Variants in ZNF516 observed in about 807,000 individuals in gnomAD.
ZNF516 encodes zinc finger protein 516.
Under a neutral mutation model 79.7 loss-of-function variants are expected in ZNF516, and 19 were observed. The ratio of observed to expected loss-of-function variants is 0.24; its 90% CI spans 0.17 to 0.35. The LOEUF is 0.35. Ranked by LOEUF, ZNF516 falls within the 10% of genes least tolerant of loss-of-function variation. The pLI is 1.00. For missense variants in ZNF516, 1,678 were observed against 1,679.5 expected (o/e 1.00, Z 0.02); for synonymous variants, 877 against 739.5 (o/e 1.19, Z -3.02).
intron 2 of ZNF516, among the ~76,000 whole-genome samples, chr18:76,462,367 A>T (rs1162478963): frequency 6.6e-6 from 1 of 152,244 alleles, no homozygotes. Context: ...TGTTCCCACA[A>T]GGGACCTACA....
At chr18:76,491,083 G>A (rs1416627407) in intron 1 of ZNF516, 2 of 985,126 alleles carry the variant, frequency 2.0e-6, no homozygotes, top group Non-Finnish European at 2.4e-6. Flanking sequence ...TTATGTAATC[G>A]TCCTCGGGGC....
intron 3 of ZNF516, among the ~76,000 whole-genome samples, chr18:76,440,742 T>TTGTG (rs138856557): frequency 0.24 from 35,892 of 149,806 alleles, 5,176 homozygotes; most frequent in East Asian, 0.38. Flanking sequence ...GTGTGTGTGT[T>TTGTG]TGTGTGTGTG....
At chr18:76,383,251 G>A (rs1413306349) in intron 3 of ZNF516, among the ~76,000 whole-genome samples, 2 of 152,148 alleles carry the variant, frequency 1.3e-5, no homozygotes, top group East Asian at 3.9e-4. Flanking sequence ...CAGAAAGACT[G>A]AACAGCTTTC....
rs1269370085 is a variant in ZNF516 at position 76,360,642 on chromosome 18, A to AT, written c.*1855_*1856insA. The AT allele has an allele frequency of 8.0e-4, 86 of 106,998 alleles. 1 individual carries two copies. Among genetic ancestry groups the AT allele is most frequent in the Non-Finnish European group, 9.8e-4 (49 of 50,100 alleles). The allele number at this position is 106,998 out of a possible 1,614,324, so 6.6% of individuals were successfully genotyped here. A position where few individuals can be genotyped will look rare whatever the true frequency, so the allele number is the denominator to read the frequency against. Reference sequence around the variant, plus strand: ...TCAGAAAAAAATAAGTAAAAAAAAAAAAAAATATATATATATATATATATA... The same window carrying AT: ...TCAGAAAAAAATAAGTAAAAAAAAAATAAAAATATATATATATATATATATA... On this transcript the variant is annotated 3_prime_UTR_variant, in exon 7 of 7. Coordinates refer to ENST00000443185, the MANE Select transcript of ZNF516 (RefSeq NM_014643.4).
Position 76,442,687 on chromosome 18 carries a change from G to A in ZNF516, c.368C>T (p.Ala123Val). The change falls in exon 3 of 7, where the codon GCC becomes GTC. Residue 123 changes from alanine to valine, a missense_variant. Around this residue, in one of 5 missense-constraint regions of ZNF516, gnomAD observed 279 missense variants for 254.1 expected, o/e 1.10. Coordinates refer to ENST00000443185, the MANE Select transcript of ZNF516 (RefSeq NM_014643.4). ...GGCCCCGTTCAGCAGCCGGTTGCAG[G>A]CCGAGGCGCTCTTGGTGGGGCTGGC... The part of the protein sequence containing the change: ...ACASPTKSAS[A>V]CNRLLNGASQ... 6.3e-7 allele frequency: 1 copy of A among 1,583,274 alleles called. No homozygotes were observed. The highest frequency in any genetic ancestry group is 8.6e-7 in the Non-Finnish European group (1 of 1,167,318).
At chr18:76,465,007 T>C (rs1913373045) in intron 1 of ZNF516, among the ~76,000 whole-genome samples, 2 of 152,176 alleles carry the variant, frequency 1.3e-5, no homozygotes, top group Admixed American at 6.5e-5. Context: ...CTCCTCACCT[T>C]CAGGCAACCT....
At position 76,490,789 on chromosome 18, in the gene ZNF516, G is replaced by C. The variant is rs1351345312; in HGVS notation, c.-272+4355C>G. ...GTTCCTTTTGTGACTTGCTGGTTAA[G>C]TCACACGACGAGCGGACCGGAGGGT... On this transcript the variant is annotated intron_variant, in intron 1 of 6. Transcript: ENST00000443185. The C allele has an allele frequency of 6.1e-6, 6 of 985,354 alleles. No homozygotes were observed. In the African/African-American group the frequency reaches 1.0e-4, roughly 17 times the overall value. 61.0% of individuals were successfully genotyped at this position (985,354 alleles called of 1,614,324 possible).
intron 4 of ZNF516, among the ~76,000 whole-genome samples, chr18:76,373,713 G>A (rs570178216): frequency 2.0e-4 from 31 of 152,146 alleles, no homozygotes; most frequent in African/African-American, 4.1e-4. Flanking sequence ...GCATGAGCAC[G>A]CGTGCACACA....
intron 1 of ZNF516, among the ~76,000 whole-genome samples, chr18:76,486,848 TTTAC>T (rs1914861700): frequency 6.6e-6 from 1 of 152,172 alleles, no homozygotes; most frequent in African/African-American, 2.4e-5. Context: ...TTCTATAGAC[TTTAC>T]TTACTTCCTG....
chr18:76,461,482 A>C (rs72982096), intron 2 of ZNF516, among the ~76,000 whole-genome samples: 7,412 of 152,220 alleles, frequency 0.049, 174 homozygotes, highest in Middle Eastern at 0.071. Flanking sequence ...GGGCTACACC[A>C]CTTGAGAAGC....
At chr18:76,445,479 C>G (rs897804865) in intron 2 of ZNF516, among the ~76,000 whole-genome samples, 3 of 152,124 alleles carry the variant, frequency 2.0e-5, no homozygotes, top group African/African-American at 7.2e-5. Context: ...TTCACTCCCC[C>G]ACAAAAATGC....
intron 3 of ZNF516, among the ~76,000 whole-genome samples, chr18:76,392,471 A>G (rs557848468): frequency 6.9e-6 from 1 of 145,842 alleles, no homozygotes; most frequent in Non-Finnish European, 1.5e-5. Context: ...AAGAGCAGAG[A>G]CCAGGAAAGC....
rs1157425780 is a variant in ZNF516, at chr18:76,459,713, C to G, written c.-158+3315G>C. 6.6e-6 allele frequency among the ~76,000 whole-genome samples: 1 copy of G among 152,190 alleles called. No individual in the cohort carries two copies. The highest frequency in any genetic ancestry group is 1.5e-5 in the Non-Finnish European group (1 of 68,032). On this transcript the variant is annotated intron_variant, in intron 2 of 6. Coordinates refer to ENST00000443185, the MANE Select transcript of ZNF516 (RefSeq NM_014643.4). This position sits in a 1 kb window ranked among gnomAD's most constrained non-coding sequence, Gnocchi z 5.0. ...GCAGGGCAGGAGGTAGAACCGGAAG[C>G]CTCACGCTACACCAGGCACTGCTCC...
intron 1 of ZNF516, among the ~76,000 whole-genome samples, chr18:76,474,058 C>G (rs62110934): frequency 0.17 from 26,464 of 151,968 alleles, 2,427 homozygotes; most frequent in Middle Eastern, 0.23. Flanking sequence ...TTATATTACA[C>G]TTTTAAGTCA....
At position 76,493,310 on chromosome 18, in the gene ZNF516, A is replaced by G. The variant is rs1172550474; in HGVS notation, c.-272+1834T>C. ...GGAAAGGGAGCTCCGAGAAAGAAGG[A>G]GGGGTCATTCCGCGGGGGGCGGGGG... is the stretch of plus-strand genomic sequence containing the variant. On this transcript the variant is annotated intron_variant, in intron 1 of 6. Coordinates refer to ENST00000443185, the MANE Select transcript of ZNF516 (RefSeq NM_014643.4). The surrounding 1 kb of genome is among the most constrained non-coding windows in gnomAD (Gnocchi z 5.2). 3 of 35,008 alleles carry G rather than the reference A, an allele frequency of 8.6e-5. No homozygotes were observed. Among genetic ancestry groups the G allele is most frequent in the African/African-American group, 5.3e-4 (3 of 5,674 alleles). 2.2% of individuals were successfully genotyped at this position (35,008 alleles called of 1,614,324 possible). A position where few individuals can be genotyped will look rare whatever the true frequency, so the allele number is the denominator to read the frequency against.
At chr18:76,376,191 A>G (rs923636646) in intron 4 of ZNF516, among the ~76,000 whole-genome samples, 3 of 152,246 alleles carry the variant, frequency 2.0e-5, no homozygotes, top group Non-Finnish European at 2.9e-5. Flanking sequence ...CTAGGGGCCC[A>G]GGAGGTGCCG....
At chr18:76,406,244 C>T (rs2075303371) in intron 3 of ZNF516, among the ~76,000 whole-genome samples, 1 of 152,158 alleles carries the variant, frequency 6.6e-6, no homozygotes, top group African/African-American at 2.4e-5. Context: ...GAAGCCTCGT[C>T]CATCTACTTA....
chr18:76,436,592 G>A (rs1003461809), intron 3 of ZNF516, among the ~76,000 whole-genome samples: 13 of 152,266 alleles, frequency 8.5e-5, no homozygotes, highest in Admixed American at 7.2e-4. Context: ...GTCAGTGCGC[G>A]AAGGTATTGT....
At chr18:76,406,067 G>T (rs569310165) in intron 3 of ZNF516, among the ~76,000 whole-genome samples, 1 of 152,156 alleles carries the variant, frequency 6.6e-6, no homozygotes, top group African/African-American at 2.4e-5. Flanking sequence ...GACAGCGCAC[G>T]CAGGTGAGGG....
Sources: allele counts gnomAD v4.1 joint callset (sites outside exome capture counted in the v4.1 genomes callset), GRCh38; gene constraint gnomAD v4.1.1; regional missense constraint gnomAD v4.1.1; non-coding constraint Gnocchi (gnomAD v3.1); transcripts MANE v1.5; gene names NCBI Gene and HGNC (gene_info 2026-07-23, HGNC 2026-07-21).